Variants in AK8 observed in about 807,000 individuals in gnomAD.
AK8 encodes the protein ATP-AMP transphosphorylase 8.
A neutral mutation model predicts 54.6 loss-of-function variants in AK8; 44 were observed. That is an observed-to-expected ratio of 0.81 (90% CI 0.63 to 1.04). The LOEUF (loss-of-function observed/expected upper bound fraction) is 1.04. Ranked by LOEUF, AK8 falls within the 50% of genes least tolerant of loss-of-function variation. The probability of loss-of-function intolerance (pLI) is 0.00; values close to 1 mark genes in which losing one functional copy is unlikely to be tolerated. For missense variants in AK8, 555 were observed against 613.6 expected, an observed-to-expected ratio of 0.90 and a Z score of 1.01; for synonymous variants, 239 against 245.6, an observed-to-expected ratio of 0.97 and a Z score of 0.25.
intron 2 of AK8, among the ~76,000 whole-genome samples, chr9:132,870,998 C>T (rs1843802271): frequency 6.6e-6 from 1 of 152,230 alleles, no homozygotes; most frequent in Admixed American, 6.5e-5. Context: ...GTAATCCCAG[C>T]ACTTTGGGAG....
chr9:132,837,581 A>T lies in AK8; in HGVS notation c.403-8855T>A, dbSNP rs575487686. On this transcript the variant is annotated intron_variant, in intron 5 of 12. Coordinates refer to ENST00000298545, the MANE Select transcript of AK8 (RefSeq NM_152572.3). The surrounding 1 kb of genome is among the most constrained non-coding windows in gnomAD (Gnocchi z 4.3). Reference sequence around the variant, plus strand: ...CTCAGGCCCTGTCCTGCATTTGATCATCTCTTTTTCCTCTTCTACTGCAGT... The same window carrying T: ...CTCAGGCCCTGTCCTGCATTTGATCTTCTCTTTTTCCTCTTCTACTGCAGT... Among the ~76,000 whole-genome samples the T allele has an allele frequency of 6.6e-6, 1 of 152,136 alleles. No homozygotes were observed. The highest frequency in any genetic ancestry group is 1.5e-5 in the Non-Finnish European group (1 of 68,016).
At chr9:132,854,779 T>C in intron 5 of AK8, 78 bp downstream of exon 5, 1 of 1,468,486 alleles carries the variant, frequency 6.8e-7, no homozygotes, top group Non-Finnish European at 9.5e-7. Flanking sequence ...TGGTCATCTC[T>C]GGTCTTGGAG....
intron 5 of AK8, among the ~76,000 whole-genome samples, chr9:132,841,834 G>C (rs1452454873): frequency 2.6e-5 from 4 of 152,164 alleles, no homozygotes; most frequent in Admixed American, 1.3e-4. Context: ...CCTGGCGCTT[G>C]ATTCTTGTTA....
rs73659463 is a variant in AK8 at position 132,730,771 on chromosome 9, G to A, written c.1122-3237C>T. Among the ~76,000 whole-genome samples, 1,158 of 152,322 alleles carry A rather than the reference G, an allele frequency of 7.6e-3. 20 individuals are homozygous for A. Among genetic ancestry groups the A allele is most frequent in the African/African-American group, 0.026 (1,093 of 41,568 alleles). ...ACTGCTGACTACATGGAGAATGTGT[G>A]CCCTACTGGGTGTTGGGTGGGCTCA... On this transcript the variant is annotated intron_variant, in intron 11 of 12. Transcript: ENST00000298545.
chr9:132,857,088 C>T (rs1843200193), intron 4 of AK8, among the ~76,000 whole-genome samples: 2 of 152,184 alleles, frequency 1.3e-5, no homozygotes, highest in Admixed American at 1.3e-4. Context: ...AGCATCCAGT[C>T]CCTGGCTCCA....
chr9:132,859,145 C>T (rs1843288150), intron 4 of AK8, among the ~76,000 whole-genome samples: 1 of 152,202 alleles, frequency 6.6e-6, no homozygotes, highest in East Asian at 1.9e-4. Flanking sequence ...GTGAGGGAGA[C>T]ACCAGGCAGG....
chr9:132,771,382 C>A (rs543891551), intron 11 of AK8, among the ~76,000 whole-genome samples: 32 of 152,308 alleles, frequency 2.1e-4, no homozygotes, highest in Admixed American at 1.2e-3. Context: ...AGGAATCATG[C>A]ACATGGCAGC....
intron 5 of AK8, among the ~76,000 whole-genome samples, chr9:132,844,009 A>G (rs930977750): frequency 3.9e-5 from 6 of 152,216 alleles, no homozygotes; most frequent in Non-Finnish European, 7.3e-5. Flanking sequence ...AAAATGGAGC[A>G]CAAATGGTGA....
intron 10 of AK8, among the ~76,000 whole-genome samples, chr9:132,801,517 A>G (rs1158396055): frequency 6.6e-6 from 1 of 152,210 alleles, no homozygotes; most frequent in African/African-American, 2.4e-5. Flanking sequence ...TACACTGCAG[A>G]TCAAAGCATT....
At chr9:132,833,843 G>C (rs547558569) in intron 5 of AK8, among the ~76,000 whole-genome samples, 33 of 152,362 alleles carry the variant, frequency 2.2e-4, no homozygotes, top group African/African-American at 7.9e-4. Flanking sequence ...TTGCCCTCCT[G>C]ACTATTATTA....
intron 5 of AK8, among the ~76,000 whole-genome samples, chr9:132,829,218 A>T (rs1842008032): frequency 6.6e-6 from 1 of 152,122 alleles, no homozygotes; most frequent in Non-Finnish European, 1.5e-5. Flanking sequence ...TTGGCCTCCC[A>T]AAGTGCTGGG....
At position 132,827,098 on chromosome 9, in the gene AK8, C is replaced by T. The variant is rs200786799; in HGVS notation, c.557-44G>A. 251 of 1,595,428 alleles carry T rather than the reference C, an allele frequency of 1.6e-4. No homozygotes were observed. The East Asian group carries it at 4.3e-3, about 27-fold the overall frequency. Reference sequence around the variant, plus strand: ...ACAGTTAGAAATGGCCATGCAGGGGCCCTGTGGGCGCTGCTGTGCCTGGCT... The same window carrying T: ...ACAGTTAGAAATGGCCATGCAGGGGTCCTGTGGGCGCTGCTGTGCCTGGCT... On this transcript the variant is annotated intron_variant, in intron 7 of 12. Coordinates refer to ENST00000298545, the MANE Select transcript of AK8 (RefSeq NM_152572.3).
intron 11 of AK8, among the ~76,000 whole-genome samples, chr9:132,754,842 G>T (rs183883243): frequency 2.0e-5 from 3 of 146,496 alleles, no homozygotes; most frequent in African/African-American, 7.6e-5. Flanking sequence ...TCTTGTTGCC[G>T]AGGCTGGAGT....
chr9:132,734,779 CA>C (rs1837018064), intron 11 of AK8, among the ~76,000 whole-genome samples: 1 of 151,958 alleles, frequency 6.6e-6, no homozygotes, highest in African/African-American at 2.4e-5. Context: ...CCTGTAATCC[CA>C]ATAGTTTGGC....
intron 11 of AK8, among the ~76,000 whole-genome samples, chr9:132,761,596 T>C (rs1303421597): frequency 1.3e-5 from 2 of 152,188 alleles, no homozygotes; most frequent in Admixed American, 6.5e-5. Context: ...CATAAGATTT[T>C]TTTTCCTATG....
chr9:132,854,845 C>A lies in AK8; in HGVS notation c.402+12G>T. The A allele has an allele frequency of 1.2e-6, 2 of 1,614,070 alleles. No individual in the cohort carries two copies. The highest frequency in any genetic ancestry group is 1.7e-6 in the Non-Finnish European group (2 of 1,179,998). On this transcript the variant is annotated intron_variant, in intron 5 of 12. Coordinates refer to ENST00000298545, the MANE Select transcript of AK8 (RefSeq NM_152572.3). ...TCTTGGCACTGAAACCCCTAGCTCA[C>A]TGGAGTCTTACCTGCTTGATGCAAT...
chr9:132,778,043 T>A (rs1244134983), intron 11 of AK8, among the ~76,000 whole-genome samples: 1 of 152,200 alleles, frequency 6.6e-6, no homozygotes, highest in Non-Finnish European at 1.5e-5. Flanking sequence ...AAAATCAGAA[T>A]GATGTCAGGT....
At chr9:132,873,441 G>A (rs892217380) in intron 2 of AK8, among the ~76,000 whole-genome samples, 1 of 152,194 alleles carries the variant, frequency 6.6e-6, no homozygotes, top group East Asian at 1.9e-4. Flanking sequence ...AGGGAGGTGG[G>A]GGGGTGGCAG....
In AK8 at chr9:132,727,529, A is replaced by C; in HGVS notation, c.1127T>G (p.Phe376Cys). 5.0e-6 allele frequency: 8 copies of C among 1,613,594 alleles called. 1 individual carries two copies. Among genetic ancestry groups the C allele is most frequent in the African/African-American group, 4.0e-5 (3 of 75,008 alleles). ...NRLGYNPNRV[F>C]FLNVPFDSIM... ...GGAATCAAATGGCACATTCAGGAAAAACACCCTATAAGGAAATAAACCATA... is the reference window on the plus strand; with the variant it reads ...GGAATCAAATGGCACATTCAGGAAACACACCCTATAAGGAAATAAACCATA... Residue 376 changes from phenylalanine to cysteine, a missense_variant, in exon 12 of 13, where the codon TTT (phenylalanine) becomes TGT (cysteine). Transcript: ENST00000298545.
Sources: gnomAD v4.1 joint callset for allele counts (sites outside exome capture counted in the v4.1 genomes callset) on GRCh38, gnomAD v4.1.1 for gene constraint, Gnocchi (gnomAD v3.1) non-coding constraint, MANE v1.5 for transcripts, NCBI Gene and HGNC (gene_info 2026-07-23, HGNC 2026-07-21) for gene names.